GDI2: variants seen among roughly 807,000 people sequenced by gnomAD.
GDI2 encodes the protein GDP dissociation inhibitor 2, also known as rab GDP dissociation inhibitor beta.
Under a neutral mutation model 54.2 loss-of-function variants are expected in GDI2, and 22 were observed. The ratio of observed to expected loss-of-function variants is 0.41; its 90% CI spans 0.29 to 0.58. The LOEUF (loss-of-function observed/expected upper bound fraction) is 0.58. Among genes scored for constraint, GDI2 ranks in the 20% least tolerant of loss-of-function variants. GDI2 has a pLI of 0.35. For synonymous variants in GDI2, 177 were observed against 182.1 expected, an observed-to-expected ratio of 0.97 and a Z score of 0.23; for missense variants, 422 against 546.0, an observed-to-expected ratio of 0.77 and a Z score of 2.26.
rs1357483916 is a variant in GDI2, at chr10:5,776,256, A to G, written c.720-2315T>C. ...AGGAAACAGCGCCTCCTCATCCAAG[A>G]CAGGTGGAAAAGGGCCCAGCGTGAA... On this transcript the variant is annotated intron_variant, in intron 6 of 10. Coordinates refer to ENST00000380191, the MANE Select transcript of GDI2 (RefSeq NM_001494.4). This position sits in a 1 kb window ranked among gnomAD's most constrained non-coding sequence, Gnocchi z 5.3. 8.2e-6 allele frequency: 4 copies of G among 490,698 alleles called. No homozygotes were observed. The highest frequency in any genetic ancestry group is 5.8e-5 in the Admixed American group (2 of 34,532). 30.4% of individuals were successfully genotyped at this position (490,698 alleles called of 1,614,324 possible). A position where few individuals can be genotyped will look rare whatever the true frequency, so the allele number is the denominator to read the frequency against.
At position 5,813,264 on chromosome 10, in the gene GDI2, G is replaced by A. The variant is rs1445850437; in HGVS notation, c.-6C>T. 20 of 1,573,792 alleles carry A rather than the reference G, an allele frequency of 1.3e-5. No homozygotes were observed. The East Asian group carries it at 4.0e-4, about 31-fold the overall frequency. On this transcript the variant is annotated 5_prime_UTR_variant, in exon 1 of 11. Transcript: ENST00000380191. ...ACGTCGTACTCCTCATTCATGGCGG[G>A]GCAGGCGCGGACGCAGGACCCGAGC...
chr10:5,803,949 T>G, intron 1 of GDI2, among the ~76,000 whole-genome samples: 1 of 152,188 alleles, frequency 6.6e-6, no homozygotes. Flanking sequence ...TCTACAAGTC[T>G]ATTTGACTTT....
chr10:5,813,319 C>A lies in GDI2; in HGVS notation c.-61G>T. 1.6e-6 allele frequency: 2 copies of A among 1,256,378 alleles called. No individual in the cohort carries two copies. The highest frequency in any genetic ancestry group is 2.3e-6 in the Non-Finnish European group (2 of 884,198). 77.8% of individuals were successfully genotyped at this position (1,256,378 alleles called of 1,614,324 possible). On this transcript the variant is annotated 5_prime_UTR_variant, in exon 1 of 11. Transcript: ENST00000380191. ...AAAAGGCGCAGGGGCTCCGTGACCA[C>A]CCTACGAGGCTGGGAGGCGCTCTTG...
chr10:5,811,638 G>A (rs1425509145), intron 1 of GDI2, among the ~76,000 whole-genome samples: 2 of 142,618 alleles, frequency 1.4e-5, no homozygotes, highest in Non-Finnish European at 3.0e-5. Context: ...AGCTCAGCTT[G>A]GAATCCCAAT....
At chr10:5,767,292 G>A (rs1292804071) in intron 8 of GDI2, among the ~76,000 whole-genome samples, 1 of 150,980 alleles carries the variant, frequency 6.6e-6, no homozygotes, top group Non-Finnish European at 1.5e-5. Flanking sequence ...CAGTCCCTTT[G>A]TTCTACAGAT....
chr10:5,773,153 G>T (rs557736800), intron 7 of GDI2, among the ~76,000 whole-genome samples: 3 of 151,954 alleles, frequency 2.0e-5, no homozygotes, highest in East Asian at 1.9e-4. Flanking sequence ...AACTGAAGAT[G>T]CCCCCCACCC....
intron 6 of GDI2, among the ~76,000 whole-genome samples, chr10:5,784,649 T>G (rs1436594572): frequency 1.3e-5 from 2 of 152,214 alleles, no homozygotes; most frequent in African/African-American, 4.8e-5. Flanking sequence ...CCCTTTCCCC[T>G]AGGGATGGGG....
intron 7 of GDI2, among the ~76,000 whole-genome samples, chr10:5,770,895 G>A (rs936089042): frequency 1.4e-5 from 2 of 147,368 alleles, no homozygotes; most frequent in African/African-American, 2.5e-5. Flanking sequence ...GAACCTAGGA[G>A]GCAGAGGTTG....
intron 1 of GDI2, 110 bp from the exon 2 acceptor site, chr10:5,800,815 C>A: frequency 2.9e-6 from 2 of 688,916 alleles, no homozygotes; most frequent in Non-Finnish European, 2.6e-6. Flanking sequence ...CACTTATATT[C>A]ATGCAACATG....
intron 3 of GDI2, among the ~76,000 whole-genome samples, chr10:5,795,637 T>C (rs1193710617): frequency 2.6e-5 from 4 of 152,180 alleles, no homozygotes; most frequent in East Asian, 3.9e-4. Context: ...TTTGGAATTA[T>C]AGTATTATTG....
chr10:5,805,566 C>G (rs1841359604), intron 1 of GDI2, among the ~76,000 whole-genome samples: 6 of 151,920 alleles, frequency 3.9e-5, no homozygotes, highest in Admixed American at 3.9e-4. Flanking sequence ...TTTTTTGTAG[C>G]AACAGGATAT....
chr10:5,770,577 G>A (rs1840464435), intron 7 of GDI2, among the ~76,000 whole-genome samples: 1 of 149,756 alleles, frequency 6.7e-6, no homozygotes, highest in African/African-American at 2.5e-5. Context: ...AAAAGAAGAG[G>A]AAAAGTGTTA....
At chr10:5,809,821 G>A (rs1444159775) in intron 1 of GDI2, among the ~76,000 whole-genome samples, 3 of 152,196 alleles carry the variant, frequency 2.0e-5, no homozygotes, top group African/African-American at 7.2e-5. Flanking sequence ...ACATCTACCA[G>A]TGGTCTTTAA....
At chr10:5,807,892 C>T (rs1176312587) in intron 1 of GDI2, among the ~76,000 whole-genome samples, 1 of 152,200 alleles carries the variant, frequency 6.6e-6, no homozygotes, top group Non-Finnish European at 1.5e-5. Flanking sequence ...TGAATTGTTA[C>T]ACCTACATGG....
chr10:5,798,613 A>G (rs1841199280), intron 2 of GDI2, among the ~76,000 whole-genome samples: 1 of 151,886 alleles, frequency 6.6e-6, no homozygotes, highest in Non-Finnish European at 1.5e-5. Flanking sequence ...GAAAAAATTC[A>G]TGACTCCCTC....
intron 4 of GDI2, among the ~76,000 whole-genome samples, chr10:5,794,633 T>C (rs1841108080): frequency 6.6e-6 from 1 of 152,148 alleles, no homozygotes; most frequent in African/African-American, 2.4e-5. Context: ...TAACCCTAGA[T>C]AAGCTCAGAT....
chr10:5,782,246 A>G (rs966729836), intron 6 of GDI2, among the ~76,000 whole-genome samples: 6 of 152,230 alleles, frequency 3.9e-5, no homozygotes, highest in South Asian at 4.1e-4. Context: ...ATGAGTCAAG[A>G]AATACAAATT....
At chr10:5,804,265 T>C (rs530735951) in intron 1 of GDI2, among the ~76,000 whole-genome samples, 1 of 152,182 alleles carries the variant, frequency 6.6e-6, no homozygotes, top group Non-Finnish European at 1.5e-5. Context: ...GGCTAATTTT[T>C]GTATTTTTAG....
intron 1 of GDI2, among the ~76,000 whole-genome samples, chr10:5,803,053 A>G (rs1841303953): frequency 6.6e-6 from 1 of 152,242 alleles, no homozygotes; most frequent in African/African-American, 2.4e-5. Flanking sequence ...ACTTCAGCCT[A>G]GACAATATAT....
Sources: gnomAD v4.1 joint callset for allele counts (sites outside exome capture counted in the v4.1 genomes callset) on GRCh38, gnomAD v4.1.1 for gene constraint, Gnocchi (gnomAD v3.1) non-coding constraint, MANE v1.5 for transcripts, NCBI Gene and HGNC (gene_info 2026-07-23, HGNC 2026-07-21) for gene names.